ECHDC1: variants seen among roughly 807,000 people sequenced by gnomAD.
The protein encoded by ECHDC1 is ethylmalonyl-CoA decarboxylase 1.
Under a neutral mutation model 29.7 loss-of-function variants are expected in ECHDC1, and 29 were observed. The ratio of observed to expected loss-of-function variants is 0.98; its 90% CI spans 0.73 to 1.33. ECHDC1 has a LOEUF of 1.33. ECHDC1 is among the 40% of genes most tolerant of loss of function. The probability of loss-of-function intolerance (pLI) is 0.00; values close to 1 mark genes in which losing one functional copy is unlikely to be tolerated. For missense variants in ECHDC1, 328 were observed against 350.0 expected, an observed-to-expected ratio of 0.94 and a Z score of 0.50; for synonymous variants, 126 against 123.1, an observed-to-expected ratio of 1.02 and a Z score of -0.15.
At chr6:127,331,978 C>T (rs1425149431) in intron 1 of ECHDC1, 1 of 611,774 alleles carries the variant, frequency 1.6e-6, no homozygotes, top group Non-Finnish European at 2.0e-6. Flanking sequence ...TCATCTCTGC[C>T]CATAAGCTTT....
chr6:127,307,754 A>G (rs1472517360), intron 5 of ECHDC1, among the ~76,000 whole-genome samples: 4 of 82,430 alleles, frequency 4.9e-5, no homozygotes, highest in Non-Finnish European at 8.2e-5. Flanking sequence ...AGCCAGACTA[A>G]CAAAGAAAAA....
chr6:127,337,284 G>A (rs536637675), intron 1 of ECHDC1, among the ~76,000 whole-genome samples: 39 of 152,026 alleles, frequency 2.6e-4, no homozygotes, highest in Non-Finnish European at 5.1e-4. Context: ...TCAACTAAGA[G>A]CCAAGCACCC....
At chr6:127,338,369 G>C (rs1784618860) in intron 1 of ECHDC1, among the ~76,000 whole-genome samples, 1 of 151,854 alleles carries the variant, frequency 6.6e-6, no homozygotes, top group African/African-American at 2.4e-5. Flanking sequence ...CTTTTATTGA[G>C]CTCTACTAGA....
intron 3 of ECHDC1, among the ~76,000 whole-genome samples, chr6:127,321,014 T>C (rs1326682869): frequency 1.3e-5 from 2 of 152,302 alleles, no homozygotes; most frequent in African/African-American, 2.4e-5. Context: ...CTGTATTTTG[T>C]AGTTTACATT....
At chr6:127,340,555 C>G (rs1052332019) in intron 1 of ECHDC1, among the ~76,000 whole-genome samples, 1 of 152,314 alleles carries the variant, frequency 6.6e-6, no homozygotes, top group East Asian at 1.9e-4. Context: ...GGGAGGCCTA[C>G]ATATTCAGAG....
At chr6:127,341,491 A>C (rs1288016858) in intron 1 of ECHDC1, 1 of 152,244 alleles carries the variant, frequency 6.6e-6, no homozygotes, top group Non-Finnish European at 1.5e-5. Context: ...TTCCAGAATC[A>C]CAGGAAGATG....
At chr6:127,319,918 G>A (rs368179799) in intron 3 of ECHDC1, among the ~76,000 whole-genome samples, 1 of 152,198 alleles carries the variant, frequency 6.6e-6, no homozygotes, top group Non-Finnish European at 1.5e-5. Context: ...TGCCCAGCCT[G>A]TAGAAGTATC....
At chr6:127,291,237 T>C (rs1481567893) in intron 5 of ECHDC1, among the ~76,000 whole-genome samples, 1 of 151,228 alleles carries the variant, frequency 6.6e-6, no homozygotes, top group Non-Finnish European at 1.5e-5. Flanking sequence ...AGTTGCCATG[T>C]GCATGAAGAG....
At chr6:127,303,121 T>A (rs1781180021) in intron 5 of ECHDC1, among the ~76,000 whole-genome samples, 1 of 152,100 alleles carries the variant, frequency 6.6e-6, no homozygotes, top group Admixed American at 6.6e-5. Flanking sequence ...ACCTGAGTCA[T>A]AAATTATAAA....
At chr6:127,321,277 AC>A (rs1393882061) in intron 3 of ECHDC1, among the ~76,000 whole-genome samples, 9 of 152,210 alleles carry the variant, frequency 5.9e-5, no homozygotes, top group Admixed American at 5.9e-4. Flanking sequence ...GAAGAGCCTC[AC>A]TAACAGACAA....
chr6:127,339,278 G>T (rs1209686828), intron 1 of ECHDC1, among the ~76,000 whole-genome samples: 1 of 147,456 alleles, frequency 6.8e-6, no homozygotes, highest in Non-Finnish European at 1.5e-5. Context: ...ATAACAGAAA[G>T]GTACATACGA....
At chr6:127,322,910 C>A (rs1251846117) in intron 3 of ECHDC1, among the ~76,000 whole-genome samples, 1 of 151,922 alleles carries the variant, frequency 6.6e-6, no homozygotes, top group Non-Finnish European at 1.5e-5. Flanking sequence ...GTGATACAAC[C>A]ATTTGAGAGA....
intron 5 of ECHDC1, among the ~76,000 whole-genome samples, chr6:127,311,707 A>AAAAGAAAG (rs71024773): frequency 3.0e-3 from 271 of 89,002 alleles, no homozygotes; most frequent in Non-Finnish European, 3.9e-3. Flanking sequence ...AAGAAAAGAA[A>AAAAGAAAG]AAAGAAAGAA....
At chr6:127,312,734 T>C (rs1029800592) in intron 5 of ECHDC1, among the ~76,000 whole-genome samples, 6 of 152,070 alleles carry the variant, frequency 3.9e-5, no homozygotes, top group African/African-American at 1.4e-4. Flanking sequence ...TAGAAAGCAA[T>C]ACTACTAAGC....
intron 5 of ECHDC1, among the ~76,000 whole-genome samples, chr6:127,301,217 C>A (rs1781029550): frequency 6.6e-6 from 1 of 152,302 alleles, no homozygotes; most frequent in East Asian, 1.9e-4. Flanking sequence ...CTGAGTGTTT[C>A]CGACATACGT....
intron 5 of ECHDC1, among the ~76,000 whole-genome samples, chr6:127,311,704 G>GAAAAAAAAA (rs1554240541): frequency 2.3e-5 from 1 of 44,244 alleles, no homozygotes; most frequent in Non-Finnish European, 3.8e-5. Context: ...AAAAAGAAAA[G>GAAAAAAAAA]AAAAAAGAAA....
chr6:127,331,466 A>C (rs1012353908), intron 1 of ECHDC1, among the ~76,000 whole-genome samples: 3 of 151,642 alleles, frequency 2.0e-5, no homozygotes, highest in African/African-American at 7.3e-5. Flanking sequence ...TTCTAAAAGC[A>C]CTCTTTCAGG....
At chr6:127,308,993 T>C (rs1035909252) in intron 5 of ECHDC1, among the ~76,000 whole-genome samples, 2 of 152,178 alleles carry the variant, frequency 1.3e-5, no homozygotes, top group African/African-American at 2.4e-5. Context: ...TGTTCGTGGA[T>C]TGGAAGAATC....
intron 1 of ECHDC1, among the ~76,000 whole-genome samples, chr6:127,333,714 C>CACAG (rs1194715411): frequency 1.4e-5 from 2 of 147,264 alleles, no homozygotes; most frequent in African/African-American, 5.0e-5. Context: ...CACACACACA[C>CACAG]AGTTTACCAG....
Sources: gnomAD v4.1 joint callset for allele counts (sites outside exome capture counted in the v4.1 genomes callset) on GRCh38, gnomAD v4.1.1 for gene constraint, MANE v1.5 for transcripts, NCBI Gene and HGNC (gene_info 2026-07-23, HGNC 2026-07-21) for gene names.